Variants in FMN1 observed in about 807,000 individuals in gnomAD.
FMN1 encodes the protein formin-1.
In FMN1, 110 loss-of-function variants were observed where a neutral mutation model predicts 132.4. The ratio of observed to expected loss-of-function variants is 0.83; its 90% CI spans 0.71 to 0.97. The LOEUF (loss-of-function observed/expected upper bound fraction) is 0.97. Among genes scored for constraint, FMN1 ranks in the 50% least tolerant of loss-of-function variants. FMN1 has a pLI of 0.00. For missense variants in FMN1, 1,792 were observed against 1,705.3 expected, an observed-to-expected ratio of 1.05 and a Z score of -0.90; for synonymous variants, 722 against 651.7, an observed-to-expected ratio of 1.11 and a Z score of -1.64.
intron 6 of FMN1, among the ~76,000 whole-genome samples, chr15:33,023,095 C>T (rs1457300139): frequency 1.8e-4 from 19 of 107,630 alleles, no homozygotes; most frequent in African/African-American, 6.0e-4. Flanking sequence ...AAGACCAAAC[C>T]TCAAATCCAT....
intron 17 of FMN1, among the ~76,000 whole-genome samples, chr15:32,813,025 T>C (rs1595984758): frequency 6.6e-6 from 1 of 152,298 alleles, no homozygotes; most frequent in Middle Eastern, 3.4e-3. Context: ...GTGCTGAACA[T>C]ATACACGCTT....
intron 3 of FMN1, among the ~76,000 whole-genome samples, chr15:33,156,741 C>A (rs1964687841): frequency 6.6e-6 from 1 of 152,116 alleles, no homozygotes; most frequent in African/African-American, 2.4e-5. Flanking sequence ...TTATAATAAT[C>A]AGTAATAAAA....
intron 17 of FMN1, among the ~76,000 whole-genome samples, chr15:32,835,654 T>C (rs144356801): frequency 0.024 from 3,653 of 152,306 alleles, 43 homozygotes; most frequent in African/African-American, 0.043. Flanking sequence ...ATTTCAATCC[T>C]CCTGAGTTGA....
intron 10 of FMN1, among the ~76,000 whole-genome samples, chr15:32,925,217 G>T (rs1179349675): frequency 6.6e-6 from 1 of 152,162 alleles, no homozygotes; most frequent in Non-Finnish European, 1.5e-5. Context: ...AAGTATTCCA[G>T]CTAATAAAGA....
chr15:33,098,899 A>G (rs1487695753), intron 4 of FMN1, among the ~76,000 whole-genome samples: 2 of 152,120 alleles, frequency 1.3e-5, no homozygotes, highest in Admixed American at 1.3e-4. Flanking sequence ...GTTCCTCGGA[A>G]GCTCACAAGC....
At chr15:33,048,644 A>AAAAAAAAAAAACAAAAACAAAAAC in intron 6 of FMN1, among the ~76,000 whole-genome samples, 10 of 86,950 alleles carry the variant, frequency 1.2e-4, no homozygotes, top group Admixed American at 3.2e-4. Flanking sequence ...AAAAAAAAAA[A>AAAAAAAAAAAACAAAAACAAAAAC]AAAAACCAAC....
intron 6 of FMN1, among the ~76,000 whole-genome samples, chr15:33,051,995 C>T (rs1286288979): frequency 2.0e-5 from 3 of 152,208 alleles, no homozygotes; most frequent in Admixed American, 1.3e-4. Flanking sequence ...AACTTGCCTT[C>T]GTCTCTCACT....
intron 10 of FMN1, among the ~76,000 whole-genome samples, chr15:32,924,721 A>G (rs1054166090): frequency 6.6e-6 from 1 of 152,244 alleles, no homozygotes; most frequent in African/African-American, 2.4e-5. Flanking sequence ...GGAGTTCGAG[A>G]CCAGTCTGAC....
intron 7 of FMN1, among the ~76,000 whole-genome samples, chr15:33,007,069 A>T (rs1214323048): frequency 1.3e-5 from 2 of 152,228 alleles, no homozygotes; most frequent in East Asian, 3.8e-4. Context: ...CTCACCGCAT[A>T]TAAATGATAA....
intron 9 of FMN1, among the ~76,000 whole-genome samples, chr15:32,954,446 A>T (rs1022440880): frequency 2.0e-5 from 3 of 152,234 alleles, no homozygotes; most frequent in Admixed American, 6.5e-5. Context: ...TCTGCAAAGA[A>T]GTCATGACCA....
chr15:32,915,184 T>C (rs2060654649), intron 10 of FMN1, among the ~76,000 whole-genome samples: 1 of 152,174 alleles, frequency 6.6e-6, no homozygotes, highest in Non-Finnish European at 1.5e-5. Flanking sequence ...TACCAAGTCC[T>C]AGGATGCCTA....
chr15:33,146,194 C>T (rs2468759), intron 4 of FMN1, among the ~76,000 whole-genome samples: 15,811 of 152,054 alleles, frequency 0.1, 1,799 homozygotes, highest in East Asian at 0.59. Context: ...AAACCCAGTC[C>T]TCAAGAGAGG....
chr15:33,061,003 C>T (rs1208863626), intron 6 of FMN1, among the ~76,000 whole-genome samples: 3 of 152,112 alleles, frequency 2.0e-5, no homozygotes, highest in Admixed American at 6.5e-5. Context: ...GGAGGCGAAA[C>T]GAAGCCCAGC....
chr15:32,888,307 A>C lies in FMN1; in HGVS notation c.3715-15T>G. ...GTTCCAGCTTCCTAAGAGATATGGT[A>C]AACAAAAGTACATTATACTTCCCAA... is the stretch of plus-strand genomic sequence containing the variant. On this transcript the variant is annotated splice_polypyrimidine_tract_variant and intron_variant, in intron 15 of 20. Transcript: ENST00000616417. The C allele has an allele frequency of 6.3e-7, 1 of 1,596,772 alleles. No homozygotes were observed.
chr15:33,040,852 A>C (rs918630960), intron 6 of FMN1, among the ~76,000 whole-genome samples: 16 of 152,248 alleles, frequency 1.1e-4, no homozygotes, highest in African/African-American at 3.9e-4. Context: ...CACAGAGGAC[A>C]GATCTGAAAA....
At chr15:33,051,951 A>C (rs2036993982) in intron 6 of FMN1, among the ~76,000 whole-genome samples, 1 of 152,154 alleles carries the variant, frequency 6.6e-6, no homozygotes, top group Non-Finnish European at 1.5e-5. Flanking sequence ...TTCCAGCTCT[A>C]AAGTTTTTTA....
At chr15:33,061,840 C>G (rs546411575) in intron 6 of FMN1, among the ~76,000 whole-genome samples, 9 of 152,090 alleles carry the variant, frequency 5.9e-5, no homozygotes, top group Non-Finnish European at 8.8e-5. Context: ...TCTTCGATCT[C>G]TACCTCTGAC....
chr15:33,011,555 T>G (rs2034723673), intron 6 of FMN1, among the ~76,000 whole-genome samples: 1 of 151,998 alleles, frequency 6.6e-6, no homozygotes, highest in Non-Finnish European at 1.5e-5. Flanking sequence ...GCAATATATA[T>G]AGAGGAAAAA....
At chr15:33,025,147 CTAAGT>C (rs1181441956) in intron 6 of FMN1, among the ~76,000 whole-genome samples, 5 of 152,010 alleles carry the variant, frequency 3.3e-5, no homozygotes, top group African/African-American at 7.2e-5. Flanking sequence ...GTTTTATTTC[CTAAGT>C]TAAGTAGTGA....
Sources: gnomAD v4.1 joint callset for allele counts (sites outside exome capture counted in the v4.1 genomes callset) on GRCh38, gnomAD v4.1.1 for gene constraint, MANE v1.5 for transcripts, NCBI Gene and HGNC (gene_info 2026-07-23, HGNC 2026-07-21) for gene names.